The following PYGB variants were observed in gnomAD, a reference collection of about 807,000 sequenced individuals.
PYGB encodes glycogen phosphorylase, brain form.
PYGB carries 82 observed loss-of-function variants against 94.3 expected under a neutral mutation model. The ratio of observed to expected loss-of-function variants is 0.87; its 90% CI spans 0.73 to 1.04. The LOEUF (loss-of-function observed/expected upper bound fraction) is 1.04, where lower values mean the gene tolerates loss of function less well. PYGB is among the 50% of genes least tolerant of loss of function. The probability of loss-of-function intolerance (pLI) is 0.00; values close to 1 mark genes in which losing one functional copy is unlikely to be tolerated. For missense variants in PYGB, 1,132 were observed against 1,158.2 expected, an observed-to-expected ratio of 0.98 and a Z score of 0.33; for synonymous variants, 488 against 479.1, an observed-to-expected ratio of 1.02 and a Z score of -0.24.
At chr20:25,271,136 C>G (rs79305978) in intron 3 of PYGB, among the ~76,000 whole-genome samples, 3 of 152,072 alleles carry the variant, frequency 2.0e-5, no homozygotes, top group Non-Finnish European at 4.4e-5. Context: ...CAGGCCTGGC[C>G]GAGTTCTCTA....
Position 25,259,144 on chromosome 20 carries a change from T to C in PYGB, c.244-93T>C, listed in dbSNP as rs8125437. 5.4e-6 allele frequency: 6 copies of C among 1,119,424 alleles called. No individual in the cohort carries two copies. The East Asian group carries it at 1.2e-4, about 23-fold the overall frequency. 69.3% of individuals were successfully genotyped at this position (1,119,424 alleles called of 1,614,324 possible). On this transcript the variant is annotated intron_variant, in intron 1 of 19. Transcript: ENST00000216962. The stretch of plus-strand genomic sequence containing the variant: ...GGGTTGACATAAATGAAATCCCGAG[T>C]GGGGGCTTGGCTTCATGGGTCGTGT...
intron 16 of PYGB, 135 bp downstream of exon 16, chr20:25,290,757 C>T (rs1159130235): frequency 1.9e-5 from 24 of 1,294,936 alleles, no homozygotes; most frequent in East Asian, 1.6e-4. Flanking sequence ...GGGCTGCAGG[C>T]GAGCAGGGAA....
At chr20:25,289,092 G>T (rs1192619334) in intron 15 of PYGB, among the ~76,000 whole-genome samples, 2 of 152,194 alleles carry the variant, frequency 1.3e-5, no homozygotes, top group Non-Finnish European at 2.9e-5. Flanking sequence ...TCCACGGCAA[G>T]GCCGGGGCCT....
rs759787640 is a variant in PYGB at position 25,280,988 on chromosome 20, C to T, written c.1279C>T (p.Arg427Cys). The T allele has an allele frequency of 1.8e-5, 29 of 1,614,024 alleles. No homozygotes were observed. The highest frequency in any genetic ancestry group is 4.5e-5 in the East Asian group (2 of 44,896). The change falls in exon 11 of 20, where the codon CGC (arginine) becomes TGC (cysteine). Residue 427 changes from arginine (R) to cysteine (C), a missense_variant. By Grantham distance (180) the Arg-to-Cys change is radical. Coordinates refer to ENST00000216962, the MANE Select transcript of PYGB (RefSeq NM_002862.4). ...GTTTCCCGGCGATGTGGACCGCCTG[C>T]GCAGGATGTCTGTGATCGAGGAGGG... ...ALFPGDVDRL[R>C]RMSVIEEGDC... is the part of the protein sequence containing the mutation.
Position 25,295,636 on chromosome 20 carries a change from T to C in PYGB, c.2345T>C (p.Met782Thr), listed in dbSNP as rs201552182. 1 of 1,614,056 alleles carries C rather than the reference T, an allele frequency of 6.2e-7. No homozygotes were observed. The highest frequency in any genetic ancestry group is 8.5e-7 in the Non-Finnish European group (1 of 1,179,980). ...FKVFADYEAYMQCQAQVDQLY... is the reference protein window; with the variant it reads ...FKVFADYEAYTQCQAQVDQLY... ...GTGTTTGCAGACTATGAAGCCTACA[T>C]GCAGTGCCAGGCACAGGTGGACCAG... is the stretch of plus-strand genomic sequence containing the variant. The change falls in exon 19 of 20, where the codon ATG becomes ACG. Residue 782 changes from methionine to threonine, a missense_variant. Coordinates refer to ENST00000216962, the MANE Select transcript of PYGB (RefSeq NM_002862.4).
intron 9 of PYGB, among the ~76,000 whole-genome samples, chr20:25,279,932 T>C (rs1051711555): frequency 2.0e-5 from 3 of 152,266 alleles, no homozygotes; most frequent in African/African-American, 4.8e-5. Context: ...TGGAAATAAA[T>C]AGAAAACTGC....
rs202072589 is a variant in PYGB at position 25,280,443 on chromosome 20, T to C, written c.1239+31T>C. 3.6e-5 allele frequency: 58 copies of C among 1,611,208 alleles called. 1 individual carries two copies. The South Asian group carries it at 6.1e-4, about 17-fold the overall frequency. On this transcript the variant is annotated intron_variant, in intron 10 of 19. Coordinates refer to ENST00000216962, the MANE Select transcript of PYGB (RefSeq NM_002862.4). ...TGTGGGCCCAGCTGGCCGTGTAGGG[T>C]GGCGGCTACACCCATGCCAACGGCC...
intron 1 of PYGB, 117 bp downstream of exon 1, chr20:25,248,538 G>A (rs1431998337): frequency 8.3e-7 from 1 of 1,204,752 alleles, no homozygotes; most frequent in Admixed American, 4.3e-5. Context: ...GCCCCTAGCC[G>A]GCCGGCGGCC....
chr20:25,248,116 C>G lies in PYGB; in HGVS notation c.-63C>G. On this transcript the variant is annotated 5_prime_UTR_variant, in exon 1 of 20. Transcript: ENST00000216962. ...GCGGCGCCAGAGCAGCTGCACCATCCCGGCGTTCGCGTGTGCCGCCGCTTT... is the reference window on the plus strand; with the variant it reads ...GCGGCGCCAGAGCAGCTGCACCATCGCGGCGTTCGCGTGTGCCGCCGCTTT... 6.7e-7 allele frequency: 1 copy of G among 1,483,224 alleles called. No individual in the cohort carries two copies. The highest frequency in any genetic ancestry group is 8.9e-7 in the Non-Finnish European group (1 of 1,118,444). The allele number at this position is 1,483,224 out of a possible 1,614,324, so 91.9% of individuals were successfully genotyped here.
In PYGB at chr20:25,291,476, G is replaced by C. The variant is rs950164355; in HGVS notation, c.1969+854G>C. Among the ~76,000 whole-genome samples the C allele has an allele frequency of 2.1e-4, 32 of 152,324 alleles. No homozygotes were observed. The East Asian group carries it at 5.0e-3, about 24-fold the overall frequency. On this transcript the variant is annotated intron_variant, in intron 16 of 19. Coordinates refer to ENST00000216962, the MANE Select transcript of PYGB (RefSeq NM_002862.4). ...TTGTTCTGCAAGCTCCGTGGTGCAG[G>C]GGGGGATCCCTGGGCACCGTCCCTG...
At chr20:25,248,511 C>A (rs1270543406) in intron 1 of PYGB, 90 bp downstream of exon 1, 29 of 1,254,852 alleles carry the variant, frequency 2.3e-5, no homozygotes, top group Non-Finnish European at 2.7e-5. Context: ...CGGGGCGGCC[C>A]GTCGGGCGTT....
At position 25,280,413 on chromosome 20, in the gene PYGB, G is replaced by A. The variant is rs1263340999; in HGVS notation, c.1239+1G>A. The A allele has an allele frequency of 1.7e-5, 27 of 1,613,880 alleles. No homozygotes were observed. Among genetic ancestry groups the A allele is most frequent in the African/African-American group, 1.2e-4 (9 of 74,946 alleles). On this transcript the variant is annotated splice_donor_variant, in intron 10 of 19. Coordinates refer to ENST00000216962, the MANE Select transcript of PYGB (RefSeq NM_002862.4). LOFTEE classifies it high-confidence loss of function. ...TGCCATCAACCAGCGGCACCTGGAC[G>A]TGAGTGTGGGCCCAGCTGGCCGTGT...
chr20:25,281,689 C>T (rs1045036040), intron 11 of PYGB, among the ~76,000 whole-genome samples: 7 of 152,172 alleles, frequency 4.6e-5, no homozygotes, highest in Admixed American at 3.9e-4. Flanking sequence ...ATGAGGAAAC[C>T]GAGCGCAGCT....
Position 25,269,790 on chromosome 20 carries a change from C to T in PYGB, c.424+583C>T, listed in dbSNP as rs1030093194. On this transcript the variant is annotated intron_variant, in intron 3 of 19. Transcript: ENST00000216962. ...GACAGCCCCAGGGGTGGCCATTCAC[C>T]GCACATCTCATCTCCAAGCTGGAGA... Among the ~76,000 whole-genome samples the T allele has an allele frequency of 5.9e-5, 9 of 152,166 alleles. No homozygotes were observed. In the East Asian group the frequency reaches 1.2e-3, roughly 20 times the overall value.
In PYGB at chr20:25,280,670, G is replaced by T. The variant is rs116165394; in HGVS notation, c.1239+258G>T. Among the ~76,000 whole-genome samples, 20 of 152,342 alleles carry T rather than the reference G, an allele frequency of 1.3e-4. No homozygotes were observed. In the East Asian group the frequency reaches 3.5e-3, roughly 26 times the overall value. ...CCCATCTTCCTCAGACAGCAGCCCT[G>T]TGGGTCCCTGGGCCGGGCTGGGCCC... On this transcript the variant is annotated intron_variant, in intron 10 of 19. Coordinates refer to ENST00000216962, the MANE Select transcript of PYGB (RefSeq NM_002862.4).
At chr20:25,258,382 C>T (rs888869419) in intron 1 of PYGB, among the ~76,000 whole-genome samples, 2 of 152,200 alleles carry the variant, frequency 1.3e-5, no homozygotes, top group Non-Finnish European at 2.9e-5. Context: ...AAGTAAGCTC[C>T]TCCTCCTGGA....
In PYGB at chr20:25,278,467, A is replaced by G. The variant is rs200212472; in HGVS notation, c.999+5A>G. Reference sequence around the variant, plus strand: ...TTCGAGACGTTCCCAGACAAGGTGCATGGTGGCCCTGGGAGGGATCTCAGT... The same window carrying G: ...TTCGAGACGTTCCCAGACAAGGTGCGTGGTGGCCCTGGGAGGGATCTCAGT... On this transcript the variant is annotated splice_donor_5th_base_variant and intron_variant, in intron 8 of 19. Transcript: ENST00000216962. 2.4e-5 allele frequency: 39 copies of G among 1,613,890 alleles called. No homozygotes were observed. The Middle Eastern group carries it at 4.9e-4, about 20-fold the overall frequency.
intron 1 of PYGB, among the ~76,000 whole-genome samples, chr20:25,257,223 GA>G (rs1341758069): frequency 1.3e-5 from 2 of 152,370 alleles, no homozygotes; most frequent in African/African-American, 4.8e-5. Context: ...ACAAGTTGCA[GA>G]AAAACCTCAA....
chr20:25,271,092 G>C (rs912173512), intron 3 of PYGB, among the ~76,000 whole-genome samples: 5 of 149,622 alleles, frequency 3.3e-5, no homozygotes, highest in Middle Eastern at 3.2e-3. Context: ...GTCTGAGAGT[G>C]GGGCAGTGGG....
Sources: allele counts gnomAD v4.1 joint callset (sites outside exome capture counted in the v4.1 genomes callset), GRCh38; gene constraint gnomAD v4.1.1; transcripts MANE v1.5; gene names NCBI Gene and HGNC (gene_info 2026-07-23, HGNC 2026-07-21).